DCC: variants seen among roughly 807,000 people sequenced by gnomAD.
DCC encodes DCC netrin 1 receptor, also known as netrin receptor DCC.
Under a neutral mutation model 172.5 loss-of-function variants are expected in DCC, and 58 were observed. That is an observed-to-expected ratio of 0.34 (90% CI 0.27 to 0.42). DCC has a LOEUF of 0.42. Among genes scored for constraint, DCC ranks in the 10% least tolerant of loss-of-function variants. The pLI, the probability that DCC is intolerant of heterozygous loss-of-function variation, is 1.00. For synonymous variants in DCC, 709 were observed against 644.5 expected (o/e 1.10, Z -1.52); for missense variants, 1,740 against 1,791.0 (o/e 0.97, Z 0.51).
chr18:52,866,109 A>G (rs1235348591), intron 2 of DCC, among the ~76,000 whole-genome samples: 1 of 152,184 alleles, frequency 6.6e-6, no homozygotes, highest in Non-Finnish European at 1.5e-5. Flanking sequence ...TTTTCTGCAT[A>G]TGGCTAGCTG....
rs1568189764 is a variant in DCC, at chr18:52,924,307, GT to G, written c.848+452del. On this transcript the variant is annotated intron_variant, in intron 4 of 28. Transcript: ENST00000442544. ...ATACCAAAACATTACAGTCTACACT[GT>G]TATTATATGCAATTTTTGTCAACTG... Among the ~76,000 whole-genome samples, 7 of 152,190 alleles carry G rather than the reference GT, an allele frequency of 4.6e-5. No individual in the cohort carries two copies. In the East Asian group the frequency reaches 7.7e-4, roughly 17 times the overall value.
chr18:53,258,886 G>T (rs948056961), intron 12 of DCC, among the ~76,000 whole-genome samples: 5 of 152,028 alleles, frequency 3.3e-5, no homozygotes, highest in African/African-American at 1.2e-4. Context: ...TATGAATCTG[G>T]GTGCTCCTGT....
intron 25 of DCC, among the ~76,000 whole-genome samples, chr18:53,480,250 C>A (rs2045816270): frequency 1.3e-5 from 2 of 152,128 alleles, no homozygotes; most frequent in African/African-American, 4.8e-5. Context: ...ACAGTTCACC[C>A]TATTTGATCT....
At chr18:52,824,605 T>C (rs2038473274) in intron 2 of DCC, among the ~76,000 whole-genome samples, 1 of 152,130 alleles carries the variant, frequency 6.6e-6, no homozygotes, top group Non-Finnish European at 1.5e-5. Flanking sequence ...ACTAGAAGGT[T>C]AGTCTTTTGA....
chr18:53,176,023 G>A (rs1194823086), intron 8 of DCC, among the ~76,000 whole-genome samples: 22 of 150,370 alleles, frequency 1.5e-4, no homozygotes, highest in African/African-American at 3.2e-4. Context: ...AAATAACGTC[G>A]CATATCTACA....
intron 2 of DCC, among the ~76,000 whole-genome samples, chr18:52,822,531 T>C (rs376283870): frequency 9.7e-4 from 147 of 152,246 alleles, no homozygotes; most frequent in African/African-American, 3.5e-3. Flanking sequence ...CACATGAAAA[T>C]TATAAGCCCC....
intron 1 of DCC, among the ~76,000 whole-genome samples, chr18:52,376,120 A>T (rs1310101763): frequency 6.6e-6 from 1 of 152,162 alleles, no homozygotes; most frequent in Non-Finnish European, 1.5e-5. Context: ...GCTTGAACTA[A>T]ATCTATTAAC....
chr18:52,587,055 A>C, intron 1 of DCC, among the ~76,000 whole-genome samples: 1 of 152,136 alleles, frequency 6.6e-6, no homozygotes, highest in East Asian at 1.9e-4. Flanking sequence ...GGATAATCAA[A>C]CCCATAGCCG....
intron 7 of DCC, among the ~76,000 whole-genome samples, chr18:53,147,520 A>T (rs2144366992): frequency 6.6e-6 from 1 of 152,240 alleles, no homozygotes; most frequent in South Asian, 2.1e-4. Context: ...CTTCATTTTT[A>T]TTTCCCTTTA....
chr18:53,075,201 A>C (rs986353588), intron 7 of DCC, among the ~76,000 whole-genome samples: 5 of 152,160 alleles, frequency 3.3e-5, no homozygotes, highest in African/African-American at 4.8e-5. Context: ...GTCCTTTTTC[A>C]AAATGACTGC....
At chr18:53,513,349 T>G (rs1003176244) in intron 27 of DCC, among the ~76,000 whole-genome samples, 1 of 152,228 alleles carries the variant, frequency 6.6e-6, no homozygotes, top group Non-Finnish European at 1.5e-5. Flanking sequence ...TACCAGCCGC[T>G]GCAAAATTAT....
At chr18:52,448,614 A>G (rs1988203007) in intron 1 of DCC, among the ~76,000 whole-genome samples, 1 of 152,164 alleles carries the variant, frequency 6.6e-6, no homozygotes, top group Non-Finnish European at 1.5e-5. Context: ...TGGTGGTGGA[A>G]GAGGGAGAGA....
At chr18:52,499,219 T>G (rs2030928002) in intron 1 of DCC, among the ~76,000 whole-genome samples, 1 of 152,146 alleles carries the variant, frequency 6.6e-6, no homozygotes, top group South Asian at 2.1e-4. Context: ...AGCTTAGAAG[T>G]TAATGATTGA....
chr18:52,718,676 G>C (rs1192172374), intron 1 of DCC, among the ~76,000 whole-genome samples: 1 of 152,158 alleles, frequency 6.6e-6, no homozygotes, highest in Non-Finnish European at 1.5e-5. Context: ...TGCAGAGGCT[G>C]CTTATATCGC....
intron 2 of DCC, among the ~76,000 whole-genome samples, chr18:52,823,879 T>C (rs1366098171): frequency 1.3e-5 from 2 of 152,124 alleles, no homozygotes; most frequent in East Asian, 3.9e-4. Context: ...ACAACACGTA[T>C]GTGACAAAGC....
chr18:53,152,219 T>G (rs887160318), intron 7 of DCC, among the ~76,000 whole-genome samples: 2 of 152,208 alleles, frequency 1.3e-5, no homozygotes, highest in Admixed American at 1.3e-4. Context: ...ATAGGTCTAT[T>G]GGCTTGTTTG....
intron 1 of DCC, among the ~76,000 whole-genome samples, chr18:52,738,799 G>A (rs1479717153): frequency 1.3e-5 from 2 of 148,748 alleles, no homozygotes; most frequent in Non-Finnish European, 3.0e-5. Flanking sequence ...GAGTGCAGTG[G>A]CACAAACATG....
At chr18:52,734,173 T>C (rs949267623) in intron 1 of DCC, among the ~76,000 whole-genome samples, 1 of 152,032 alleles carries the variant, frequency 6.6e-6, no homozygotes, top group Non-Finnish European at 1.5e-5. Context: ...CATGGGTACA[T>C]AGTAGGTGTA....
intron 1 of DCC, among the ~76,000 whole-genome samples, chr18:52,573,355 G>A (rs1189680536): frequency 6.6e-6 from 1 of 152,142 alleles, no homozygotes; most frequent in Non-Finnish European, 1.5e-5. Context: ...CAGCCTTTAA[G>A]TTGCCTGAAC....
Sources: allele counts gnomAD v4.1 joint callset (sites outside exome capture counted in the v4.1 genomes callset), GRCh38; gene constraint gnomAD v4.1.1; transcripts MANE v1.5; gene names NCBI Gene and HGNC (gene_info 2026-07-23, HGNC 2026-07-21).